The following CASZ1 variants were observed in gnomAD, a reference collection of about 807,000 sequenced individuals.
CASZ1 encodes the protein zinc finger protein castor homolog 1.
In CASZ1, 28 loss-of-function variants were observed where a neutral mutation model predicts 135.2. The observed-to-expected ratio is 0.21, with a 90% CI of 0.15 to 0.28. CASZ1 has a LOEUF of 0.28. Among genes scored for constraint, CASZ1 ranks in the 10% least tolerant of loss-of-function variants. CASZ1 has a pLI of 1.00. For synonymous variants in CASZ1, 1,068 were observed against 1,073.4 expected (o/e 0.99, Z 0.10); for missense variants, 2,161 against 2,453.3 (o/e 0.88, Z 2.52).
chr1:10,698,140 C>G (rs543121503), intron 3 of CASZ1, among the ~76,000 whole-genome samples: 120 of 152,324 alleles, frequency 7.9e-4, no homozygotes, highest in African/African-American at 2.8e-3. Flanking sequence ...GTAAGGCAGA[C>G]GCAGGGATTG....
Position 10,660,356 on chromosome 1 carries a change from G to T in CASZ1, c.686C>A (p.Thr229Asn). ...TSSMLPTSEDTLSKRARFSKY... is the reference protein window; with the variant it reads ...TSSMLPTSEDNLSKRARFSKY... ...AGAGAACCGCGCCCGCTTGCTGAGG[G>T]TATCCTCGGAGGTGGGCAGCATGGA... Residue 229 changes from threonine to asparagine, a missense_variant, in exon 6 of 21, where the codon ACC becomes AAC. Thr to Asn is a moderately conservative substitution (Grantham distance 65). Transcript: ENST00000377022. The T allele has an allele frequency of 1.9e-6, 3 of 1,614,190 alleles. No homozygotes were observed. Among genetic ancestry groups the T allele is most frequent in the Non-Finnish European group, 2.5e-6 (3 of 1,180,026 alleles).
intron 4 of CASZ1, among the ~76,000 whole-genome samples, chr1:10,690,889 C>G (rs978239106): frequency 1.6e-4 from 25 of 152,220 alleles, no homozygotes; most frequent in African/African-American, 6.0e-4. Flanking sequence ...TTCACCCTGG[C>G]TTCTAGCTGT....
rs990184293 is a variant in CASZ1 at position 10,756,844 on chromosome 1, C to T, written c.-77+3857G>A. Among the ~76,000 whole-genome samples, 2 of 152,176 alleles carry T rather than the reference C, an allele frequency of 1.3e-5. No individual in the cohort carries two copies. Among genetic ancestry groups the T allele is most frequent in the African/African-American group, 4.8e-5 (2 of 41,426 alleles). ...GCCAGCCCTCACAGCTCACCAACGA[C>T]GCTCTATATGACCCGGCACGTGGAA... On this transcript the variant is annotated intron_variant, in intron 2 of 20. Coordinates refer to ENST00000377022, the MANE Select transcript of CASZ1 (RefSeq NM_001079843.3). This position sits in a 1 kb window ranked among gnomAD's most constrained non-coding sequence, Gnocchi z 5.9.
At chr1:10,693,755 C>G in intron 4 of CASZ1, 119 bp downstream of exon 4, 1 of 762,128 alleles carries the variant, frequency 1.3e-6, no homozygotes, top group South Asian at 1.4e-5. Context: ...GGCAGCCGCC[C>G]GACCCTCCCG....
intron 2 of CASZ1, among the ~76,000 whole-genome samples, chr1:10,733,716 C>G (rs563453758): frequency 6.6e-6 from 1 of 152,114 alleles, no homozygotes; most frequent in Non-Finnish European, 1.5e-5. Context: ...GGAAGATGAG[C>G]TCAGAGGAAC....
At position 10,794,113 on chromosome 1, in the gene CASZ1, C is replaced by CAGCT; in HGVS notation, c.-234+2447_-234+2450dup. On this transcript the variant is annotated intron_variant, in intron 1 of 20. Coordinates refer to ENST00000377022, the MANE Select transcript of CASZ1 (RefSeq NM_001079843.3). This position sits in a 1 kb window ranked among gnomAD's most constrained non-coding sequence, Gnocchi z 5.6. ...CGCAGCTGCTCCTGCTCAGCCGGGA[C>CAGCT]AGCTCCCTTTAGGACGGCGACGTGT... Among the ~76,000 whole-genome samples the CAGCT allele has an allele frequency of 6.6e-6, 1 of 152,162 alleles. No homozygotes were observed. The highest frequency in any genetic ancestry group is 2.4e-5 in the African/African-American group (1 of 41,526).
intron 5 of CASZ1, chr1:10,660,883 T>C (rs1364129521): frequency 3.5e-6 from 1 of 282,138 alleles, no homozygotes; most frequent in Non-Finnish European, 6.7e-6. Flanking sequence ...GTCATTTTAC[T>C]GGAAGTAAGG....
In CASZ1 at chr1:10,701,784, G is replaced by C. The variant is rs1639066625; in HGVS notation, c.-24+3708C>G. Among the ~76,000 whole-genome samples the C allele has an allele frequency of 6.6e-6, 1 of 152,154 alleles. No homozygotes were observed. The highest frequency in any genetic ancestry group is 1.5e-5 in the Non-Finnish European group (1 of 68,018). ...CTCAGGCCTGGGGCTGAGCCCCTAGGACCAGGCAGCTGACGGGGGGCTGGC... is the reference window on the plus strand; with the variant it reads ...CTCAGGCCTGGGGCTGAGCCCCTAGCACCAGGCAGCTGACGGGGGGCTGGC... On this transcript the variant is annotated intron_variant, in intron 3 of 20. Coordinates refer to ENST00000377022, the MANE Select transcript of CASZ1 (RefSeq NM_001079843.3). The surrounding 1 kb of genome is among the most constrained non-coding windows in gnomAD (Gnocchi z 6.3).
intron 2 of CASZ1, among the ~76,000 whole-genome samples, chr1:10,737,187 C>T (rs541967516): frequency 1.3e-5 from 2 of 152,382 alleles, no homozygotes; most frequent in African/African-American, 4.8e-5. Context: ...CACCCAGCCA[C>T]ATCCATTAGG....
At chr1:10,758,375 A>T (rs1442127028) in intron 2 of CASZ1, among the ~76,000 whole-genome samples, 1 of 135,806 alleles carries the variant, frequency 7.4e-6, no homozygotes, top group Non-Finnish European at 1.5e-5. Context: ...TCTGTCGCCC[A>T]GACTGGAGTG....
intron 2 of CASZ1, among the ~76,000 whole-genome samples, chr1:10,730,403 G>A (rs926113371): frequency 2.6e-5 from 4 of 152,176 alleles, no homozygotes; most frequent in African/African-American, 7.2e-5. Context: ...CTTGACCCTC[G>A]AGTATGCATC....
rs1640890154 is a variant in CASZ1 at position 10,788,055 on chromosome 1, CG to C, written c.-234+8508del. Among the ~76,000 whole-genome samples the C allele has an allele frequency of 6.6e-6, 1 of 152,188 alleles. No homozygotes were observed. Among genetic ancestry groups the C allele is most frequent in the Non-Finnish European group, 1.5e-5 (1 of 68,046 alleles). The stretch of plus-strand genomic sequence containing the variant: ...GTTCAAACATGACCTTGCCTAAGAC[CG>C]TTGCTCAAACATCTTAGAATCCCAG... On this transcript the variant is annotated intron_variant, in intron 1 of 20. Transcript: ENST00000377022. The surrounding 1 kb of genome is among the most constrained non-coding windows in gnomAD (Gnocchi z 4.1).
chr1:10,712,277 T>C (rs944216303), intron 2 of CASZ1, among the ~76,000 whole-genome samples: 3 of 151,758 alleles, frequency 2.0e-5, no homozygotes, highest in African/African-American at 7.3e-5. Flanking sequence ...ACCTAGGAGG[T>C]GGAAGTTGCA....
At position 10,752,374 on chromosome 1, in the gene CASZ1, A is replaced by G. The variant is rs932652270; in HGVS notation, c.-77+8327T>C. 3.9e-5 allele frequency among the ~76,000 whole-genome samples: 6 copies of G among 152,162 alleles called. No individual in the cohort carries two copies. In the South Asian group the frequency reaches 1.0e-3, roughly 26 times the overall value. On this transcript the variant is annotated intron_variant, in intron 2 of 20. Transcript: ENST00000377022. ...GGAGAGGCCCCTAGACTATTCCTAG[A>G]TAGCAGCCTCACCAGGGAAGGCGGT...
At chr1:10,795,131 T>C (rs941192451) in intron 1 of CASZ1, among the ~76,000 whole-genome samples, 2 of 151,910 alleles carry the variant, frequency 1.3e-5, no homozygotes, top group African/African-American at 4.8e-5. Flanking sequence ...GCTCCGCCCG[T>C]CCGGCTCACC....
At position 10,754,719 on chromosome 1, in the gene CASZ1, C is replaced by CGGCGTGG. The variant is rs531707469; in HGVS notation, c.-77+5975_-77+5981dup. ...TCCTCTCTCTGCCTGGAGAGCAGCA[C>CGGCGTGG]GGCGTGGGACTCACAGCTGCTGCCC... On this transcript the variant is annotated intron_variant, in intron 2 of 20. Coordinates refer to ENST00000377022, the MANE Select transcript of CASZ1 (RefSeq NM_001079843.3). 2.0e-3 allele frequency among the ~76,000 whole-genome samples: 306 copies of CGGCGTGG among 152,346 alleles called. 2 individuals are homozygous for CGGCGTGG. Among genetic ancestry groups the CGGCGTGG allele is most frequent in the Non-Finnish European group, 3.4e-3 (232 of 68,036 alleles).
chr1:10,658,363 G>A (rs1172993159), intron 7 of CASZ1, 145 bp downstream of exon 7: 18 of 664,126 alleles, frequency 2.7e-5, no homozygotes, highest in East Asian at 1.9e-4. Flanking sequence ...CCCTCGGTGC[G>A]GTGGAGGGAC....
At chr1:10,685,297 G>C (rs1638549974) in intron 4 of CASZ1, among the ~76,000 whole-genome samples, 1 of 152,218 alleles carries the variant, frequency 6.6e-6, no homozygotes, top group Non-Finnish European at 1.5e-5. Context: ...TGTCATCTCT[G>C]ATATTTGCCG....
Position 10,719,164 on chromosome 1 carries a change from C to T in CASZ1, c.-76-13620G>A, listed in dbSNP as rs1275401771. On this transcript the variant is annotated intron_variant, in intron 2 of 20. Transcript: ENST00000377022. This position sits in a 1 kb window ranked among gnomAD's most constrained non-coding sequence, Gnocchi z 4.0. ...AACTCCTGACCTCAAGCAATCTGCC[C>T]GCTTCCGGCTCCCTAAGTGCTGGGA... 2.0e-5 allele frequency among the ~76,000 whole-genome samples: 3 copies of T among 152,184 alleles called. No homozygotes were observed. Among genetic ancestry groups the T allele is most frequent in the African/African-American group, 4.8e-5 (2 of 41,442 alleles).
Sources: gnomAD v4.1 joint callset for allele counts (sites outside exome capture counted in the v4.1 genomes callset) on GRCh38, gnomAD v4.1.1 for gene constraint, Gnocchi (gnomAD v3.1) non-coding constraint, MANE v1.5 for transcripts, NCBI Gene and HGNC (gene_info 2026-07-23, HGNC 2026-07-21) for gene names.